UNC79: variants seen among roughly 807,000 people sequenced by gnomAD.
The protein encoded by UNC79 is protein unc-79 homolog.
In UNC79, 37 loss-of-function variants were observed where a neutral mutation model predicts 283.1. The observed-to-expected ratio is 0.13, with a 90% CI of 0.10 to 0.17. UNC79 has a LOEUF of 0.17. UNC79 is among the 10% of genes least tolerant of loss of function. UNC79 has a pLI of 1.00. For synonymous variants in UNC79, 1,107 were observed against 1,200.2 expected (o/e 0.92, Z 1.61); for missense variants, 2,272 against 3,211.1 (o/e 0.71, Z 7.07).
At chr14:93,567,658 A>G (rs1311741695) in intron 14 of UNC79, among the ~76,000 whole-genome samples, 1 of 152,250 alleles carries the variant, frequency 6.6e-6, no homozygotes, top group East Asian at 1.9e-4. Flanking sequence ...TTATTGCTCA[A>G]TTAAACTCCT....
chr14:93,551,194 C>T, intron 14 of UNC79, among the ~76,000 whole-genome samples: 1 of 152,084 alleles, frequency 6.6e-6, no homozygotes, highest in Non-Finnish European at 1.5e-5. Context: ...GGACTACAGG[C>T]GCCCGTCACT....
At chr14:93,383,381 G>A (rs1004160053) in intron 1 of UNC79, among the ~76,000 whole-genome samples, 1 of 152,116 alleles carries the variant, frequency 6.6e-6, no homozygotes, top group African/African-American at 2.4e-5. Flanking sequence ...ATACCCTGAA[G>A]GTATTGTGGG....
intron 14 of UNC79, among the ~76,000 whole-genome samples, chr14:93,556,148 T>G (rs1353829284): frequency 6.6e-6 from 1 of 152,168 alleles, no homozygotes; most frequent in East Asian, 1.9e-4. Context: ...TTTCACAGCA[T>G]GTTTTATTGT....
At chr14:93,404,605 G>A (rs2055189100) in intron 1 of UNC79, among the ~76,000 whole-genome samples, 1 of 144,982 alleles carries the variant, frequency 6.9e-6, no homozygotes, top group South Asian at 2.2e-4. Context: ...ATGAGCAGGG[G>A]GAAAAGGAGA....
chr14:93,434,243 A>G (rs2055996601), intron 1 of UNC79, among the ~76,000 whole-genome samples: 1 of 152,152 alleles, frequency 6.6e-6, no homozygotes, highest in Non-Finnish European at 1.5e-5. Context: ...AAAGAAAAAA[A>G]AGAAGCAGCA....
chr14:93,489,600 G>T (rs2058624210), intron 5 of UNC79, among the ~76,000 whole-genome samples: 1 of 152,252 alleles, frequency 6.6e-6, no homozygotes, highest in South Asian at 2.1e-4. Context: ...ATACCTTAAG[G>T]TTTGAAAATT....
At chr14:93,632,736 T>G (rs1399336789) in intron 31 of UNC79, among the ~76,000 whole-genome samples, 1 of 152,028 alleles carries the variant, frequency 6.6e-6, no homozygotes, top group East Asian at 1.9e-4. Flanking sequence ...AGAGTATAAT[T>G]TGAAATAGGA....
intron 1 of UNC79, among the ~76,000 whole-genome samples, chr14:93,419,947 C>A (rs1205530372): frequency 1.3e-5 from 2 of 150,712 alleles, no homozygotes; most frequent in East Asian, 3.9e-4. Context: ...ATAAAATAAC[C>A]TAATCACTCT....
At chr14:93,494,866 A>G (rs1267714030) in intron 5 of UNC79, among the ~76,000 whole-genome samples, 1 of 152,224 alleles carries the variant, frequency 6.6e-6, no homozygotes, top group Non-Finnish European at 1.5e-5. Flanking sequence ...ATAGCTCCAC[A>G]ATATCAGGGG....
intron 40 of UNC79, among the ~76,000 whole-genome samples, 163 bp downstream of exon 43, chr14:93,662,877 A>AAC (rs35000706): frequency 0.065 from 9,672 of 148,532 alleles, 634 homozygotes; most frequent in African/African-American, 0.17. Flanking sequence ...AAACACTTTA[A>AAC]ACACACACAC....
chr14:93,429,740 A>AT (rs11389663), upstream of UNC79, among the ~76,000 whole-genome samples: 107,590 of 152,140 alleles, frequency 0.71, 38,506 homozygotes, highest in Middle Eastern at 0.78. Context: ...TGCTATGACC[A>AT]TGCCCCTCAG....
intron 3 of UNC79, among the ~76,000 whole-genome samples, chr14:93,476,148 G>A (rs1200920432): frequency 2.0e-5 from 3 of 152,090 alleles, no homozygotes; most frequent in African/African-American, 4.8e-5. Flanking sequence ...CAAGATCCTT[G>A]TGGACGCTTC....
intron 1 of UNC79, among the ~76,000 whole-genome samples, chr14:93,397,996 C>T (rs2055033033): frequency 6.6e-6 from 1 of 152,110 alleles, no homozygotes; most frequent in Admixed American, 6.6e-5. Context: ...TAGTCAATTT[C>T]AAGTTCTGAC....
Position 93,702,463 on chromosome 14 carries a change from C to T in UNC79, c.7549-2162C>T, listed in dbSNP as rs190577426. 1.3e-3 allele frequency among the ~76,000 whole-genome samples: 193 copies of T among 152,216 alleles called. 1 individual carries two copies. The highest frequency in any genetic ancestry group is 4.4e-3 in the African/African-American group (181 of 41,534). On this transcript the variant is annotated intron_variant, in intron 47 of 48. Transcript: ENST00000555664. ...TAAATGTCAATAGAAGTCAAATTAG[C>T]GAATTATATACATCAACAGAATGTT...
intron 27 of UNC79, among the ~76,000 whole-genome samples, chr14:93,614,332 TTTA>T (rs750871574): frequency 0.063 from 7,442 of 119,028 alleles, 385 homozygotes; most frequent in African/African-American, 0.17. Flanking sequence ...TATTTATTTA[TTTA>T]GAGACGGAGT....
At chr14:93,659,325 G>T in intron 39 of UNC79, 64 bp downstream of exon 42, 1 of 1,326,374 alleles carries the variant, frequency 7.5e-7, no homozygotes, top group South Asian at 1.3e-5. Flanking sequence ...TAATGAGATA[G>T]GCTTGTAGCA....
chr14:93,566,719 C>T (rs1409490723), intron 14 of UNC79, among the ~76,000 whole-genome samples: 1 of 149,392 alleles, frequency 6.7e-6, no homozygotes, highest in Non-Finnish European at 1.5e-5. Context: ...CTCACTGCAA[C>T]CTCTGCCTCC....
chr14:93,655,162 A>T lies in UNC79; in HGVS notation c.6283-72A>T, dbSNP rs2043873954. The T allele has an allele frequency of 1.7e-5, 27 of 1,545,402 alleles. No homozygotes were observed. In the South Asian group the frequency reaches 3.3e-4, roughly 19 times the overall value. Reference sequence around the variant, plus strand: ...GCCTGAAGATGTGACTTTTAAACTGACATTTACCAAATAGCGCTATGCATT... The same window carrying T: ...GCCTGAAGATGTGACTTTTAAACTGTCATTTACCAAATAGCGCTATGCATT... On this transcript the variant is annotated intron_variant, in intron 37 of 48. Coordinates refer to ENST00000555664, the Ensembl canonical transcript of UNC79.
chr14:93,432,868 A>G (rs1257434667), intron 1 of UNC79, among the ~76,000 whole-genome samples: 2 of 152,242 alleles, frequency 1.3e-5, no homozygotes, highest in South Asian at 4.1e-4. Context: ...AAAGCCAGTG[A>G]GTATTACTGT....
Sources: gnomAD v4.1 joint callset for allele counts (sites outside exome capture counted in the v4.1 genomes callset) on GRCh38, gnomAD v4.1.1 for gene constraint, MANE v1.5 for transcripts, NCBI Gene and HGNC (gene_info 2026-07-23, HGNC 2026-07-21) for gene names.